ASAP2: variants seen among roughly 807,000 people sequenced by gnomAD.
ASAP2 encodes the protein arf-GAP with SH3 domain, ANK repeat and PH domain-containing protein 2.
A neutral mutation model predicts 131.4 loss-of-function variants in ASAP2; 45 were observed. That is an observed-to-expected ratio of 0.34 (90% CI 0.27 to 0.44). ASAP2 has a LOEUF of 0.44. Among genes scored for constraint, ASAP2 ranks in the 20% least tolerant of loss-of-function variants. The probability of loss-of-function intolerance (pLI) is 1.00; values close to 1 mark genes in which losing one functional copy is unlikely to be tolerated. For missense variants in ASAP2, 1,011 were observed against 1,297.0 expected, an observed-to-expected ratio of 0.78 and a Z score of 3.39; for synonymous variants, 510 against 503.0, an observed-to-expected ratio of 1.01 and a Z score of -0.19.
chr2:9,344,884 G>A, intron 11 of ASAP2, 84 bp downstream of exon 11: 1 of 1,170,852 alleles, frequency 8.5e-7, no homozygotes, highest in Non-Finnish European at 1.3e-6. Flanking sequence ...GAGGGCAGGA[G>A]TTGTTCTCCG....
At chr2:9,363,617 T>C (rs1209574086) in intron 15 of ASAP2, among the ~76,000 whole-genome samples, 1 of 152,216 alleles carries the variant, frequency 6.6e-6, no homozygotes, top group Non-Finnish European at 1.5e-5. Flanking sequence ...AGGTTCTTGC[T>C]CTGTCGCCCA....
chr2:9,262,992 A>G (rs971842107), intron 1 of ASAP2, among the ~76,000 whole-genome samples: 2 of 152,162 alleles, frequency 1.3e-5, no homozygotes, highest in African/African-American at 2.4e-5. Context: ...TTAGGATTCC[A>G]TTGTCTTCTG....
intron 15 of ASAP2, among the ~76,000 whole-genome samples, chr2:9,364,991 T>TA (rs1410638185): frequency 2.6e-5 from 4 of 152,192 alleles, no homozygotes; most frequent in Non-Finnish European, 5.9e-5. Context: ...CCTTTTTTTT[T>TA]AAAGCCAAGA....
chr2:9,232,921 A>T lies in ASAP2; in HGVS notation c.126+25691A>T, dbSNP rs1663270642. ...GGGGCTGCCTTGCCCTTCTGGAAGA[A>T]GGAATTCCACGTTAGACGTGTTCCC... On this transcript the variant is annotated intron_variant, in intron 1 of 27. Coordinates refer to ENST00000281419, the MANE Select transcript of ASAP2 (RefSeq NM_003887.3). This position sits in a 1 kb window ranked among gnomAD's most constrained non-coding sequence, Gnocchi z 4.1. 6.6e-6 allele frequency among the ~76,000 whole-genome samples: 1 copy of T among 152,250 alleles called. No homozygotes were observed. Among genetic ancestry groups the T allele is most frequent in the Admixed American group, 6.5e-5 (1 of 15,286 alleles).
intron 3 of ASAP2, among the ~76,000 whole-genome samples, chr2:9,302,027 G>A (rs185043229): frequency 5.4e-4 from 81 of 151,108 alleles, no homozygotes; most frequent in African/African-American, 1.9e-3. Context: ...GTTTCACCAC[G>A]TTAGCCAGGA....
At chr2:9,317,161 C>T (rs1439192601) in intron 3 of ASAP2, among the ~76,000 whole-genome samples, 1 of 110,458 alleles carries the variant, frequency 9.1e-6, no homozygotes, top group Admixed American at 8.4e-5. Flanking sequence ...CACTCACATC[C>T]ACACTCTCAC....
At chr2:9,402,427 C>T (rs1414425136) in intron 27 of ASAP2, among the ~76,000 whole-genome samples, 1 of 152,140 alleles carries the variant, frequency 6.6e-6, no homozygotes, top group South Asian at 2.1e-4. Context: ...GTCAGGAGTT[C>T]GAGACCAGCC....
At position 9,217,102 on chromosome 2, in the gene ASAP2, G is replaced by A. The variant is rs548918207; in HGVS notation, c.126+9872G>A. ...TCAAATCAAGCATTTTGACACCAGAGTCTGCTATTTCTTTTAGCAGCCAAC... is the reference window on the plus strand; with the variant it reads ...TCAAATCAAGCATTTTGACACCAGAATCTGCTATTTCTTTTAGCAGCCAAC... On this transcript the variant is annotated intron_variant, in intron 1 of 27. Coordinates refer to ENST00000281419, the MANE Select transcript of ASAP2 (RefSeq NM_003887.3). The surrounding 1 kb of genome is among the most constrained non-coding windows in gnomAD (Gnocchi z 4.0). 1.1e-3 allele frequency among the ~76,000 whole-genome samples: 164 copies of A among 152,220 alleles called. No homozygotes were observed. Among genetic ancestry groups the A allele is most frequent in the Middle Eastern group, 6.8e-3 (2 of 294 alleles).
chr2:9,390,057 T>C (rs533254352), intron 22 of ASAP2, among the ~76,000 whole-genome samples: 5 of 152,248 alleles, frequency 3.3e-5, no homozygotes, highest in Non-Finnish European at 7.3e-5. Flanking sequence ...CACTGGGTCA[T>C]GGAGGGGTAA....
rs1674773576 is a variant in ASAP2 at position 9,380,746 on chromosome 2, G to A, written c.1954G>A (p.Glu652Lys). 8.1e-6 allele frequency: 13 copies of A among 1,614,142 alleles called. No homozygotes were observed. The highest frequency in any genetic ancestry group is 1.1e-5 in the Non-Finnish European group (13 of 1,180,026). The stretch of plus-strand genomic sequence containing the variant: ...TGCTCGCCCTTGAATTTTAGCAAAC[G>A]AGTCAGGAGAGACTCCGCTGGACAT... ...RGKASIEIANESGETPLDIAK... is the reference protein window; with the variant it reads ...RGKASIEIANKSGETPLDIAK... The change falls in exon 20 of 28, where the codon GAG becomes AAG. Residue 652 changes from glutamate (E) to lysine (K), a missense_variant. Glu to Lys is a moderately conservative substitution (Grantham distance 56). Transcript: ENST00000281419.
intron 1 of ASAP2, among the ~76,000 whole-genome samples, chr2:9,255,485 C>G (rs1411771285): frequency 2.6e-5 from 4 of 152,182 alleles, no homozygotes; most frequent in Admixed American, 1.3e-4. Context: ...AAAAGATGGC[C>G]TCATATTGCC....
At chr2:9,367,774 G>A (rs979812193) in intron 15 of ASAP2, among the ~76,000 whole-genome samples, 4 of 152,174 alleles carry the variant, frequency 2.6e-5, no homozygotes, top group Non-Finnish European at 5.9e-5. Flanking sequence ...AAAAAAGAAT[G>A]TGTTAATTTA....
chr2:9,321,286 CT>C (rs1007888310), intron 5 of ASAP2, among the ~76,000 whole-genome samples: 15 of 152,126 alleles, frequency 9.9e-5, no homozygotes, highest in Non-Finnish European at 1.6e-4. Flanking sequence ...AGCCCCACAC[CT>C]TTGATACTCC....
intron 3 of ASAP2, among the ~76,000 whole-genome samples, chr2:9,316,152 A>G (rs1177664110): frequency 6.6e-6 from 1 of 151,930 alleles, no homozygotes; most frequent in African/African-American, 2.4e-5. Flanking sequence ...AACCCTGTCT[A>G]CAAAAACTAC....
intron 12 of ASAP2, among the ~76,000 whole-genome samples, chr2:9,355,392 G>A (rs954077439): frequency 6.6e-6 from 1 of 152,276 alleles, no homozygotes; most frequent in African/African-American, 2.4e-5. Flanking sequence ...TCTCATGAGT[G>A]GATTGAGGTT....
At chr2:9,350,665 C>T in intron 11 of ASAP2, 143 bp from the exon 12 acceptor site, 1 of 603,876 alleles carries the variant, frequency 1.7e-6, no homozygotes, top group African/African-American at 1.8e-5. Flanking sequence ...CCAGTCAAGC[C>T]TTCCTCTGTC....
At chr2:9,393,088 C>A (rs1675846057) in intron 23 of ASAP2, among the ~76,000 whole-genome samples, 1 of 152,216 alleles carries the variant, frequency 6.6e-6, no homozygotes, top group Non-Finnish European at 1.5e-5. Context: ...GGCCTCATCC[C>A]TTTGGCCACA....
In ASAP2 at chr2:9,388,464, G is replaced by A. The variant is rs1265541020; in HGVS notation, c.2301G>A (p.Leu767=). The change falls in exon 22 of 28, where the codon CTG becomes CTA. Residue 767 remains leucine (L), a synonymous_variant. Coordinates refer to ENST00000281419, the MANE Select transcript of ASAP2 (RefSeq NM_003887.3). The part of the protein sequence containing the change: ...ILQNETYGAL[L]SGSPPPAQPA... ...AGAATGAGACTTACGGAGCCCTCCT[G>A]AGTGGCAGCCCACCTCCCGCCCAGC... 4 of 1,614,022 alleles carry A rather than the reference G, an allele frequency of 2.5e-6. No homozygotes were observed. The highest frequency in any genetic ancestry group is 2.5e-6 in the Non-Finnish European group (3 of 1,180,024).
chr2:9,219,546 C>T (rs756571675), intron 1 of ASAP2, among the ~76,000 whole-genome samples: 1 of 151,834 alleles, frequency 6.6e-6, no homozygotes, highest in African/African-American at 2.4e-5. Context: ...AAAAATCAGC[C>T]AGGAATGGCT....
Sources: gnomAD v4.1 joint callset for allele counts (sites outside exome capture counted in the v4.1 genomes callset) on GRCh38, gnomAD v4.1.1 for gene constraint, Gnocchi (gnomAD v3.1) non-coding constraint, MANE v1.5 for transcripts, NCBI Gene and HGNC (gene_info 2026-07-23, HGNC 2026-07-21) for gene names.